The following UNC13C variants were observed in gnomAD, a reference collection of about 807,000 sequenced individuals.
The protein encoded by UNC13C is unc-13 homolog C.
Under a neutral mutation model 245.4 loss-of-function variants are expected in UNC13C, and 174 were observed. The ratio of observed to expected loss-of-function variants is 0.71; its 90% confidence interval spans 0.63 to 0.80. UNC13C has a LOEUF of 0.80. UNC13C is among the 30% of genes least tolerant of loss of function. UNC13C has a pLI of 0.00. For missense variants in UNC13C, 2,829 were observed against 2,602.9 expected (o/e 1.09, Z -1.89); for synonymous variants, 992 against 895.1 (o/e 1.11, Z -1.93).
intron 19 of UNC13C, among the ~76,000 whole-genome samples, chr15:54,464,376 T>C (rs542192450): frequency 2.4e-4 from 37 of 152,284 alleles, no homozygotes; most frequent in African/African-American, 8.9e-4. Flanking sequence ...AGCTATCATT[T>C]ATCTTCCAAG....
At chr15:54,033,380 A>T (rs1205437069) in intron 2 of UNC13C, among the ~76,000 whole-genome samples, 1 of 152,174 alleles carries the variant, frequency 6.6e-6, no homozygotes, top group Admixed American at 6.5e-5. Context: ...TAATTTTTTT[A>T]ATTAAATGAC....
intron 2 of UNC13C, among the ~76,000 whole-genome samples, chr15:54,137,281 A>G (rs1018028874): frequency 1.3e-5 from 2 of 152,136 alleles, no homozygotes; most frequent in African/African-American, 2.4e-5. Flanking sequence ...TTTTGCATCT[A>G]TGTTCATCAG....
chr15:54,170,229 A>G (rs934184393), intron 4 of UNC13C, among the ~76,000 whole-genome samples: 1 of 152,156 alleles, frequency 6.6e-6, no homozygotes, highest in African/African-American at 2.4e-5. Context: ...TTTGAGAAGC[A>G]TTTGTATATG....
intron 4 of UNC13C, among the ~76,000 whole-genome samples, chr15:54,211,873 T>A (rs758980251): frequency 6.6e-6 from 1 of 152,134 alleles, no homozygotes; most frequent in East Asian, 1.9e-4. Context: ...ACCCTTCCAA[T>A]GCTATCATTA....
chr15:54,089,908 G>A (rs1028506308), intron 2 of UNC13C, among the ~76,000 whole-genome samples: 1 of 152,140 alleles, frequency 6.6e-6, no homozygotes, highest in South Asian at 2.1e-4. Context: ...GGAACAAGCG[G>A]TAGGACTTCC....
intron 2 of UNC13C, among the ~76,000 whole-genome samples, chr15:54,068,782 A>G (rs755445409): frequency 6.6e-6 from 1 of 152,218 alleles, no homozygotes; most frequent in Non-Finnish European, 1.5e-5. Flanking sequence ...AGAAAAGTGG[A>G]CTAGAAATTG....
the UNC13C span, among the ~76,000 whole-genome samples, chr15:53,952,422 C>T: frequency 2.6e-5 from 4 of 152,228 alleles, no homozygotes; most frequent in South Asian, 2.1e-4. Flanking sequence ...ATAATTCTCC[C>T]GTTCATTCTC....
At chr15:53,993,486 G>C (rs528276330) in intron 1 of UNC13C, among the ~76,000 whole-genome samples, 1 of 152,184 alleles carries the variant, frequency 6.6e-6, no homozygotes, top group South Asian at 2.1e-4. Context: ...GGGGGTATCT[G>C]TGTGGCACGT....
At chr15:54,531,770 A>C (rs1311589898) in intron 25 of UNC13C, among the ~76,000 whole-genome samples, 1 of 152,102 alleles carries the variant, frequency 6.6e-6, no homozygotes, top group Non-Finnish European at 1.5e-5. Flanking sequence ...AGCAAAATCT[A>C]ACTTTAGAAC....
At chr15:54,158,714 A>G (rs1186774396) in intron 4 of UNC13C, among the ~76,000 whole-genome samples, 1 of 151,984 alleles carries the variant, frequency 6.6e-6, no homozygotes, top group Non-Finnish European at 1.5e-5. Flanking sequence ...CAGTGGCACA[A>G]TCATGGTTCA....
At chr15:54,278,757 C>G (rs2036900467) in intron 10 of UNC13C, among the ~76,000 whole-genome samples, 8 of 152,046 alleles carry the variant, frequency 5.3e-5, no homozygotes, top group African/African-American at 1.9e-4. Context: ...ACAATCGAGC[C>G]ATGTGAAATT....
intron 19 of UNC13C, among the ~76,000 whole-genome samples, chr15:54,439,586 T>G (rs886750620): frequency 6.6e-6 from 1 of 151,996 alleles, no homozygotes; most frequent in African/African-American, 2.4e-5. Flanking sequence ...ATAGCATAGA[T>G]GCATTTATGT....
At chr15:54,134,713 C>T (rs1409603410) in intron 2 of UNC13C, among the ~76,000 whole-genome samples, 3 of 151,912 alleles carry the variant, frequency 2.0e-5, no homozygotes, top group Middle Eastern at 3.4e-3. Context: ...TTAGTAGAGA[C>T]GGGGTTTCAC....
At chr15:53,928,593 A>T in the UNC13C span, among the ~76,000 whole-genome samples, 1 of 132,858 alleles carries the variant, frequency 7.5e-6, no homozygotes, top group Non-Finnish European at 1.6e-5. Context: ...CTAACTATGT[A>T]AAAAAAAAAG....
At chr15:54,510,754 T>G (rs371802618) in intron 23 of UNC13C, among the ~76,000 whole-genome samples, 2 of 152,264 alleles carry the variant, frequency 1.3e-5, no homozygotes, top group East Asian at 1.9e-4. Flanking sequence ...TATTGGGTTA[T>G]TTCTCAGCAA....
chr15:54,610,103 A>G (rs555109467), intron 30 of UNC13C, among the ~76,000 whole-genome samples: 1 of 152,238 alleles, frequency 6.6e-6, no homozygotes, highest in Non-Finnish European at 1.5e-5. Flanking sequence ...ATCAGTGCAT[A>G]TTGTAGTTTT....
the UNC13C span, among the ~76,000 whole-genome samples, chr15:53,935,960 C>A: frequency 2.0e-5 from 3 of 152,180 alleles, no homozygotes; most frequent in African/African-American, 7.2e-5. Flanking sequence ...CCTGGGAATT[C>A]TGGCAAAGCA....
intron 30 of UNC13C, among the ~76,000 whole-genome samples, chr15:54,589,643 GC>G (rs1371741890): frequency 6.0e-5 from 9 of 151,084 alleles, no homozygotes; most frequent in African/African-American, 2.2e-4. Flanking sequence ...TATGTCTTTA[GC>G]CCACTTTTTC....
intron 1 of UNC13C, among the ~76,000 whole-genome samples, chr15:54,007,762 A>G (rs1895206457): frequency 6.6e-6 from 1 of 152,190 alleles, no homozygotes; most frequent in Non-Finnish European, 1.5e-5. Context: ...TGTAACCCAG[A>G]ACCAAAAATA....
Sources: gnomAD v4.1 joint callset for allele counts (sites outside exome capture counted in the v4.1 genomes callset) on GRCh38, gnomAD v4.1.1 for gene constraint, MANE v1.5 for transcripts, NCBI Gene and HGNC (gene_info 2026-07-23, HGNC 2026-07-21) for gene names.